TSPEAR: variants seen among roughly 807,000 people sequenced by gnomAD.
TSPEAR encodes the protein thrombospondin-type laminin G domain and EAR repeat-containing protein.
TSPEAR carries 69 observed loss-of-function variants against 71.6 expected under a neutral mutation model. That is an observed-to-expected ratio of 0.96 (90% CI 0.79 to 1.18). TSPEAR has a LOEUF of 1.18. Among genes scored for constraint, TSPEAR ranks in the 50% most tolerant of loss-of-function variants. The probability of loss-of-function intolerance (pLI) is 0.00; values close to 1 mark genes in which losing one functional copy is unlikely to be tolerated. For synonymous variants in TSPEAR, 402 were observed against 387.2 expected, an observed-to-expected ratio of 1.04 and a Z score of -0.45; for missense variants, 971 against 894.9, an observed-to-expected ratio of 1.09 and a Z score of -1.09.
chr21:44,523,965 A>G (rs1269403747), intron 8 of TSPEAR, among the ~76,000 whole-genome samples: 1 of 151,976 alleles, frequency 6.6e-6, no homozygotes, highest in Non-Finnish European at 1.5e-5. Flanking sequence ...TCAGTTCAGT[A>G]GTTAGTCAGG....
intron 1 of TSPEAR, among the ~76,000 whole-genome samples, chr21:44,571,132 G>A (rs587771526): frequency 6.6e-6 from 1 of 152,308 alleles, no homozygotes; most frequent in East Asian, 1.9e-4. Context: ...ACCAAACCAG[G>A]CAAAGGCATT....
intron 1 of TSPEAR, chr21:44,677,781 T>A: frequency 7.6e-7 from 1 of 1,321,098 alleles, no homozygotes; most frequent in Non-Finnish European, 1.1e-6. Flanking sequence ...CTGAGTTGAT[T>A]TCTTTGGCAA....
At chr21:44,539,105 C>T (rs1555916735) in intron 2 of TSPEAR, 3 of 973,418 alleles carry the variant, frequency 3.1e-6, no homozygotes, top group Middle Eastern at 3.3e-4. Flanking sequence ...CAGGTGGGCA[C>T]CTGCTGGAAG....
chr21:44,685,159 A>G (rs1476139131), intron 1 of TSPEAR, among the ~76,000 whole-genome samples: 33 of 152,256 alleles, frequency 2.2e-4, no homozygotes, highest in Non-Finnish European at 1.2e-4. Flanking sequence ...CTTGGCAGGA[A>G]TCACCCATAT....
intron 1 of TSPEAR, chr21:44,647,181 C>A: frequency 6.2e-7 from 1 of 1,614,034 alleles, no homozygotes; most frequent in Non-Finnish European, 8.5e-7. Context: ...CCCTCCTCTG[C>A]CACCCCGTGT....
At chr21:44,697,991 C>T in intron 1 of TSPEAR, 1 of 1,570,766 alleles carries the variant, frequency 6.4e-7, no homozygotes. Context: ...TCCCCCAGGG[C>T]CACTGGGCAC....
At chr21:44,533,044 C>T (rs977658675) in intron 3 of TSPEAR, among the ~76,000 whole-genome samples, 1 of 152,262 alleles carries the variant, frequency 6.6e-6, no homozygotes, top group Non-Finnish European at 1.5e-5. Flanking sequence ...GGTCCCCTGC[C>T]AAGTCCCCTG....
intron 9 of TSPEAR, chr21:44,518,900 A>G (rs1466959317): frequency 3.3e-6 from 1 of 306,236 alleles, no homozygotes; most frequent in Non-Finnish European, 6.6e-6. Flanking sequence ...TCCTGATGAC[A>G]CATGACTGGT....
chr21:44,540,212 G>T, intron 2 of TSPEAR: 2 of 1,581,498 alleles, frequency 1.3e-6, no homozygotes, highest in Non-Finnish European at 8.6e-7. Context: ...GAGTCAGTGT[G>T]TGTGTGAGTG....
At chr21:44,562,597 A>G (rs180770288) in intron 2 of TSPEAR, among the ~76,000 whole-genome samples, 23 of 152,316 alleles carry the variant, frequency 1.5e-4, no homozygotes, top group African/African-American at 4.8e-4. Flanking sequence ...AGTCAAAAAC[A>G]AGGAGAAAAT....
intron 1 of TSPEAR, chr21:44,657,861 G>A: frequency 2.1e-6 from 2 of 931,184 alleles, no homozygotes; most frequent in South Asian, 1.5e-5. Context: ...CCACAAGGAA[G>A]ACAACAGTTG....
At chr21:44,568,994 C>T (rs1310327157) in intron 1 of TSPEAR, among the ~76,000 whole-genome samples, 5 of 152,142 alleles carry the variant, frequency 3.3e-5, no homozygotes, top group African/African-American at 9.7e-5. Context: ...GGGCTTTGGT[C>T]AAACATCTCA....
chr21:44,666,781 C>T (rs1985797440), intron 1 of TSPEAR: 1 of 1,612,164 alleles, frequency 6.2e-7, no homozygotes, highest in Non-Finnish European at 8.5e-7. Context: ...CCCACAGGCA[C>T]ACAGCAGGAT....
chr21:44,580,099 C>T (rs587670972), intron 1 of TSPEAR: 206 of 1,613,050 alleles, frequency 1.3e-4, no homozygotes, highest in Non-Finnish European at 1.6e-4. Flanking sequence ...TGCAGCAAGT[C>T]GGCTGGCAGC....
intron 1 of TSPEAR, among the ~76,000 whole-genome samples, chr21:44,688,006 G>A (rs1225910534): frequency 6.6e-6 from 1 of 152,104 alleles, no homozygotes; most frequent in Non-Finnish European, 1.5e-5. Context: ...ATCCAGGGCC[G>A]GGCGCGTGGA....
chr21:44,517,619 C>CG, intron 9 of TSPEAR: 1 of 380,810 alleles, frequency 2.6e-6, no homozygotes, highest in Non-Finnish European at 5.3e-6. Flanking sequence ...TGCTTCCCAC[C>CG]GTGTGTGCTC....
intron 1 of TSPEAR, chr21:44,678,159 C>T: frequency 1.9e-6 from 1 of 534,416 alleles, no homozygotes; most frequent in East Asian, 3.2e-5. Context: ...GGCATGTGTA[C>T]ATATGTCAAG....
chr21:44,560,662 CT>C (rs2053619043), intron 2 of TSPEAR, among the ~76,000 whole-genome samples: 1 of 152,182 alleles, frequency 6.6e-6, no homozygotes, highest in Admixed American at 6.5e-5. Flanking sequence ...CAAATTAGAT[CT>C]CAAGATTAAG....
chr21:44,681,926 C>T (rs782200730), intron 1 of TSPEAR: 10 of 1,613,960 alleles, frequency 6.2e-6, no homozygotes, highest in African/African-American at 2.7e-5. Flanking sequence ...AGGAGGGAGC[C>T]GCATACACGA....
Sources: gnomAD v4.1 joint callset for allele counts (sites outside exome capture counted in the v4.1 genomes callset) on GRCh38, gnomAD v4.1.1 for gene constraint, MANE v1.5 for transcripts, NCBI Gene and HGNC (gene_info 2026-07-23, HGNC 2026-07-21) for gene names.